The following OSBPL9 variants were observed in gnomAD, a reference collection of about 807,000 sequenced individuals.
OSBPL9 encodes the protein oxysterol-binding protein-related protein 9.
In OSBPL9, 40 loss-of-function variants were observed where a neutral mutation model predicts 106.6. The ratio of observed to expected loss-of-function variants is 0.38; its 90% CI spans 0.29 to 0.49. OSBPL9 has a LOEUF of 0.49. Among genes scored for constraint, OSBPL9 ranks in the 20% least tolerant of loss-of-function variants. The probability of loss-of-function intolerance (pLI) is 0.97; values close to 1 mark genes in which losing one functional copy is unlikely to be tolerated. For missense variants in OSBPL9, 609 were observed against 887.2 expected (o/e 0.69, Z 3.98); for synonymous variants, 269 against 295.4 (o/e 0.91, Z 0.92).
chr1:51,608,393 A>T (rs1476678290), intron 2 of OSBPL9, among the ~76,000 whole-genome samples: 1 of 152,120 alleles, frequency 6.6e-6, no homozygotes, highest in South Asian at 2.1e-4. Flanking sequence ...CCTGGGTTCA[A>T]GTGATTCTCT....
intron 3 of OSBPL9, among the ~76,000 whole-genome samples, chr1:51,679,149 G>A (rs75306133): frequency 0.012 from 1,813 of 152,270 alleles, 37 homozygotes; most frequent in African/African-American, 0.042. Flanking sequence ...TTGTATTATT[G>A]AGGAGGGTCG....
At chr1:51,772,291 C>A in intron 13 of OSBPL9, 109 bp downstream of exon 13, 1 of 850,332 alleles carries the variant, frequency 1.2e-6, no homozygotes, top group Non-Finnish European at 1.8e-6. Context: ...GTGGGCAGAT[C>A]ACTTGAGGTC....
At chr1:51,549,984 G>A in the OSBPL9 span, among the ~76,000 whole-genome samples, 1 of 152,306 alleles carries the variant, frequency 6.6e-6, no homozygotes, top group African/African-American at 2.4e-5. Flanking sequence ...CTTTTATAGT[G>A]CTTTGTTAGA....
At chr1:51,655,392 G>A (rs34386775) in intron 2 of OSBPL9, among the ~76,000 whole-genome samples, 5,699 of 152,230 alleles carry the variant, frequency 0.037, 138 homozygotes, top group Middle Eastern at 0.061. Flanking sequence ...TGGTCACGTG[G>A]CCTAGACCCC....
chr1:51,612,342 T>C (rs1423455159), upstream of OSBPL9, among the ~76,000 whole-genome samples: 1 of 152,214 alleles, frequency 6.6e-6, no homozygotes, highest in African/African-American at 2.4e-5. Context: ...ATATTCTGAA[T>C]GGCAGGATGA....
intron 22 of OSBPL9, 42 bp downstream of exon 22, chr1:51,786,659 A>T: frequency 6.5e-7 from 1 of 1,539,780 alleles, no homozygotes; most frequent in Non-Finnish European, 9.0e-7. Context: ...TGCAGTGCTT[A>T]AACTTTGCCT....
At chr1:51,747,063 G>A (rs1289417608) in intron 6 of OSBPL9, among the ~76,000 whole-genome samples, 1 of 152,158 alleles carries the variant, frequency 6.6e-6, no homozygotes, top group African/African-American at 2.4e-5. Flanking sequence ...TCCACCCTCT[G>A]GGTTAAAATG....
intron 15 of OSBPL9, among the ~76,000 whole-genome samples, chr1:51,779,059 G>C (rs1294720937): frequency 6.6e-6 from 1 of 151,856 alleles, no homozygotes; most frequent in Non-Finnish European, 1.5e-5. Context: ...GTTTGCCTCA[G>C]AGTAAGTAAG....
intron 7 of OSBPL9, among the ~76,000 whole-genome samples, chr1:51,749,907 A>G: frequency 6.6e-6 from 1 of 151,682 alleles, no homozygotes; most frequent in African/African-American, 2.4e-5. Flanking sequence ...AAAAAATTAG[A>G]TATTATTTAG....
intron 8 of OSBPL9, among the ~76,000 whole-genome samples, chr1:51,751,854 G>A (rs896646298): frequency 2.0e-5 from 3 of 152,168 alleles, no homozygotes; most frequent in African/African-American, 7.2e-5. Context: ...ATTTGTACTT[G>A]CTACCTGTCT....
chr1:51,649,354 G>A (rs1421082822), intron 1 of OSBPL9, among the ~76,000 whole-genome samples: 2 of 152,114 alleles, frequency 1.3e-5, no homozygotes, highest in African/African-American at 4.8e-5. Flanking sequence ...CAAGTGATCT[G>A]CCCACCTCAG....
At chr1:51,670,325 A>G (rs966040324) in intron 3 of OSBPL9, among the ~76,000 whole-genome samples, 5 of 152,228 alleles carry the variant, frequency 3.3e-5, no homozygotes. Flanking sequence ...CTTAGAAATG[A>G]AAAGATTTGG....
At chr1:51,614,594 C>T (rs1030758622), upstream of OSBPL9, among the ~76,000 whole-genome samples, 1 of 152,126 alleles carries the variant, frequency 6.6e-6, no homozygotes, top group Non-Finnish European at 1.5e-5. Context: ...TGTCAGCCAC[C>T]AAGCCCGGCC....
At chr1:51,623,908 T>G (rs540908376) in intron 1 of OSBPL9, among the ~76,000 whole-genome samples, 52 of 152,198 alleles carry the variant, frequency 3.4e-4, no homozygotes, top group African/African-American at 1.2e-3. Context: ...TGATTTTTAT[T>G]GAGCTTATAT....
chr1:51,692,870 A>T (rs923821177), intron 3 of OSBPL9, among the ~76,000 whole-genome samples: 1 of 152,000 alleles, frequency 6.6e-6, no homozygotes, highest in Non-Finnish European at 1.5e-5. Flanking sequence ...CCATGACTGT[A>T]TATGTTAGAA....
chr1:51,618,141 C>T (rs1371145770), intron 1 of OSBPL9, among the ~76,000 whole-genome samples: 2 of 152,028 alleles, frequency 1.3e-5, no homozygotes, highest in African/African-American at 2.4e-5. Flanking sequence ...CCTCTGGCCT[C>T]CCTAGTAGCT....
At chr1:51,711,000 C>T (rs564921584) in intron 3 of OSBPL9, among the ~76,000 whole-genome samples, 10 of 152,108 alleles carry the variant, frequency 6.6e-5, no homozygotes, top group African/African-American at 1.2e-4. Flanking sequence ...TTTTCTCATA[C>T]GCTGTATTGC....
At chr1:51,611,843 C>T (rs925676920) in intron 2 of OSBPL9, among the ~76,000 whole-genome samples, 4 of 152,064 alleles carry the variant, frequency 2.6e-5, no homozygotes, top group East Asian at 1.9e-4. Context: ...GGCGTGGTGG[C>T]GGGCGCCTGT....
intron 1 of OSBPL9, among the ~76,000 whole-genome samples, chr1:51,647,654 G>T (rs554085181): frequency 6.6e-6 from 1 of 151,612 alleles, no homozygotes; most frequent in African/African-American, 2.4e-5. Context: ...GGAATTTATT[G>T]GTTTCATCTA....
Sources: allele counts gnomAD v4.1 joint callset (sites outside exome capture counted in the v4.1 genomes callset), GRCh38; gene constraint gnomAD v4.1.1; transcripts MANE v1.5; gene names NCBI Gene and HGNC (gene_info 2026-07-23, HGNC 2026-07-21).